RCBTB2: variants seen among roughly 807,000 people sequenced by gnomAD.
The protein encoded by RCBTB2 is RCC1 and BTB domain-containing protein 2.
RCBTB2 carries 55 observed loss-of-function variants against 65.4 expected under a neutral mutation model. The observed-to-expected ratio is 0.84, with a 90% confidence interval of 0.68 to 1.05. The LOEUF (loss-of-function observed/expected upper bound fraction) is 1.05, where lower values mean the gene tolerates loss of function less well. Ranked by LOEUF, RCBTB2 falls within the 50% of genes least tolerant of loss-of-function variation. The probability of loss-of-function intolerance (pLI) is 0.00; values close to 1 mark genes in which losing one functional copy is unlikely to be tolerated. For missense variants in RCBTB2, 599 were observed against 680.1 expected, an observed-to-expected ratio of 0.88 and a Z score of 1.33; for synonymous variants, 220 against 255.2, an observed-to-expected ratio of 0.86 and a Z score of 1.31.
intron 13 of RCBTB2, among the ~76,000 whole-genome samples, chr13:48,496,767 A>G (rs2138423045): frequency 8.2e-6 from 1 of 122,614 alleles, no homozygotes; most frequent in Non-Finnish European, 1.7e-5. Context: ...GAGGGAGGGG[A>G]GGGGAAGGGA....
chr13:48,514,266 G>A (rs1006736106), intron 6 of RCBTB2, among the ~76,000 whole-genome samples: 1 of 152,196 alleles, frequency 6.6e-6, no homozygotes, highest in Non-Finnish European at 1.5e-5. Context: ...TAACTAACGG[G>A]TGGGAGTGTC....
chr13:48,511,929 C>T (rs868443710), intron 8 of RCBTB2, 52 bp from the exon 9 acceptor site: 6 of 1,609,872 alleles, frequency 3.7e-6, no homozygotes, highest in Middle Eastern at 1.6e-4. Context: ...GGCCAGCAAG[C>T]TGTCTGTTAT....
chr13:48,522,380 C>T lies in RCBTB2; in HGVS notation c.-96G>A. 6.8e-7 allele frequency: 1 copy of T among 1,469,680 alleles called. No homozygotes were observed. The highest frequency in any genetic ancestry group is 9.2e-7 in the Non-Finnish European group (1 of 1,091,524). The allele number at this position is 1,469,680 out of a possible 1,614,324, so 91.0% of individuals were successfully genotyped here. On this transcript the variant is annotated 5_prime_UTR_variant, in exon 3 of 15. The change creates a new upstream start codon in the 5' untranslated region. Transcript: ENST00000344532. Reference sequence around the variant, plus strand: ...GAGCGGACATCAATTCTCAGCTCCACAGAAGAATATATGATTTGCTAAGCT... The same window carrying T: ...GAGCGGACATCAATTCTCAGCTCCATAGAAGAATATATGATTTGCTAAGCT...
chr13:48,533,184 G>C (rs929099065), upstream of RCBTB2: 1 of 364,438 alleles, frequency 2.7e-6, no homozygotes, highest in Non-Finnish European at 5.5e-6. Flanking sequence ...AACGAAGGGA[G>C]CGCAGACAAG....
At chr13:48,520,431 A>G (rs536726812) in intron 4 of RCBTB2, among the ~76,000 whole-genome samples, 60 of 152,332 alleles carry the variant, frequency 3.9e-4, no homozygotes, top group African/African-American at 1.4e-3. Flanking sequence ...TGTCCCTAGA[A>G]TTCAGTCCTG....
At chr13:48,493,315 A>ACTCTCTCTCTCTCTCTCTCTCTCTCTCT (rs3085593) in intron 14 of RCBTB2, among the ~76,000 whole-genome samples, 2 of 75,028 alleles carry the variant, frequency 2.7e-5, no homozygotes, top group East Asian at 4.7e-4. Flanking sequence ...ACACACACAC[A>ACTCTCTCTCTCTCTCTCTCTCTCTCTCT]CTCTCTCTCT....
intron 12 of RCBTB2, 70 bp from the exon 13 acceptor site, chr13:48,499,830 G>A (rs987009254): frequency 4.5e-5 from 71 of 1,575,650 alleles, no homozygotes; most frequent in Middle Eastern, 3.4e-4. Context: ...TGAGGACCAC[G>A]TTCTTCTCTC....
At chr13:48,495,396 T>C (rs1200526352) in intron 14 of RCBTB2, among the ~76,000 whole-genome samples, 2 of 131,820 alleles carry the variant, frequency 1.5e-5, no homozygotes, top group Non-Finnish European at 2.9e-5. Context: ...AAAATAAAAA[T>C]AGGATAAGTT....
chr13:48,495,280 C>T (rs1044974947), intron 14 of RCBTB2, among the ~76,000 whole-genome samples: 4 of 152,082 alleles, frequency 2.6e-5, no homozygotes, highest in Admixed American at 2.6e-4. Context: ...TAAAAATCAC[C>T]CACAATCCCA....
At position 48,515,197 on chromosome 13, in the gene RCBTB2, T is replaced by C. The variant is rs761183771; in HGVS notation, c.349+8A>G. ...AAGCTGAAATTCTACATGGGGTTCC[T>C]AGGTTACCTGTTGTTGCAAGGACAA... On this transcript the variant is annotated splice_region_variant and intron_variant, in intron 6 of 14. Transcript: ENST00000344532. 5 of 1,610,406 alleles carry C rather than the reference T, an allele frequency of 3.1e-6. No individual in the cohort carries two copies. The East Asian group carries it at 6.7e-5, about 22-fold the overall frequency.
chr13:48,523,582 T>C (rs9331962), intron 2 of RCBTB2, among the ~76,000 whole-genome samples: 147 of 152,076 alleles, frequency 9.7e-4, no homozygotes, highest in African/African-American at 3.4e-3. Flanking sequence ...CCTCACCCTA[T>C]CAGGAAACAC....
Position 48,501,702 on chromosome 13 carries a change from C to T in RCBTB2, c.1244+40G>A, listed in dbSNP as rs7988909. Reference sequence around the variant, plus strand: ...GGACACTTAGAATATAATTGTTGAACGAATTACTTTTCTCAATTCTCAAAT... The same window carrying T: ...GGACACTTAGAATATAATTGTTGAATGAATTACTTTTCTCAATTCTCAAAT... On this transcript the variant is annotated intron_variant, in intron 12 of 14. Transcript: ENST00000344532. The T allele has an allele frequency of 1.9e-3, 2,970 of 1,556,580 alleles. 44 individuals carry two copies. In the African/African-American group the frequency reaches 0.036, roughly 19 times the overall value.
In RCBTB2 at chr13:48,533,049, G is replaced by C. The variant is rs1443929633; in HGVS notation, c.-240C>G. On this transcript the variant is annotated 5_prime_UTR_variant, in exon 1 of 15. Transcript: ENST00000344532. ...TTACCTCCTCGCAGGCCGGAGCCTT[G>C]TCCGCTCCGCCTCCTGGGTAGCGGT... 3 of 454,512 alleles carry C rather than the reference G, an allele frequency of 6.6e-6. No individual in the cohort carries two copies. The highest frequency in any genetic ancestry group is 1.5e-5 in the South Asian group (1 of 64,538). The allele number at this position is 454,512 out of a possible 1,614,324, so 28.2% of individuals were successfully genotyped here.
intron 7 of RCBTB2, among the ~76,000 whole-genome samples, chr13:48,512,520 C>G (rs1950858696): frequency 6.6e-6 from 1 of 152,194 alleles, no homozygotes; most frequent in Non-Finnish European, 1.5e-5. Context: ...AACAATACCT[C>G]CTTTTAAATT....
intron 9 of RCBTB2, 35 bp from the exon 10 acceptor site, chr13:48,510,806 A>G (rs1288089717): frequency 7.6e-6 from 12 of 1,573,644 alleles, no homozygotes; most frequent in Middle Eastern, 1.7e-4. Flanking sequence ...GACTGCAAAT[A>G]TAAGTAATTA....
intron 5 of RCBTB2, 102 bp from the exon 6 acceptor site, chr13:48,515,457 T>G: frequency 7.3e-7 from 1 of 1,377,534 alleles, no homozygotes; most frequent in Non-Finnish European, 9.9e-7. Context: ...TGCTTCTTTA[T>G]ATAATAAATA....
At chr13:48,506,493 A>G (rs866814683) in intron 10 of RCBTB2, among the ~76,000 whole-genome samples, 1 of 152,152 alleles carries the variant, frequency 6.6e-6, no homozygotes. Flanking sequence ...GCCAAGGAGT[A>G]ATGAGGGTGG....
At chr13:48,493,321 T>TCCCC (rs1566254848) in intron 14 of RCBTB2, among the ~76,000 whole-genome samples, 1 of 116,684 alleles carries the variant, frequency 8.6e-6, no homozygotes, top group Non-Finnish European at 1.6e-5. Context: ...ACACACTCTC[T>TCCCC]CTCTCTCTCT....
chr13:48,510,699 A>G lies in RCBTB2; in HGVS notation c.856T>C (p.Tyr286His), dbSNP rs1210247185. 4.3e-6 allele frequency: 7 copies of G among 1,614,064 alleles called. No homozygotes were observed. The highest frequency in any genetic ancestry group is 5.1e-6 in the Non-Finnish European group (6 of 1,180,048). The stretch of plus-strand genomic sequence containing the variant: ...TTATTGCCAGTGCCCAACTGCCCAT[A>G]AGAATTGGCGCCCCAAGCATACACT... ...GQVYAWGANS[Y>H]GQLGTGNKSN... The change falls in exon 10 of 15, where the codon TAT becomes CAT. Residue 286 changes from tyrosine (Y) to histidine (H), a missense_variant. By Grantham distance (83) the Tyr-to-His change is moderately conservative. Coordinates refer to ENST00000344532, the MANE Select transcript of RCBTB2 (RefSeq NM_001268.4).
Sources: allele counts gnomAD v4.1 joint callset (sites outside exome capture counted in the v4.1 genomes callset), GRCh38; gene constraint gnomAD v4.1.1; transcripts MANE v1.5; gene names NCBI Gene and HGNC (gene_info 2026-07-23, HGNC 2026-07-21).